R3HCC1L: variants seen among roughly 807,000 people sequenced by gnomAD.
The protein encoded by R3HCC1L is R3H domain and coiled-coil containing 1 like.
A neutral mutation model predicts 59.9 loss-of-function variants in R3HCC1L; 51 were observed. The ratio of observed to expected loss-of-function variants is 0.85; its 90% CI spans 0.68 to 1.07. The LOEUF (loss-of-function observed/expected upper bound fraction) is 1.07. Among genes scored for constraint, R3HCC1L ranks in the 50% least tolerant of loss-of-function variants. The pLI is 0.00. For synonymous variants in R3HCC1L, 322 were observed against 315.2 expected, an observed-to-expected ratio of 1.02 and a Z score of -0.23; for missense variants, 965 against 933.0, an observed-to-expected ratio of 1.03 and a Z score of -0.45.
chr10:98,209,124 A>G lies in R3HCC1L; in HGVS notation c.1010A>G (p.Asp337Gly), dbSNP rs1216331527. The change falls in exon 5 of 10, where the codon GAC becomes GGC. Residue 337 changes from aspartate (D) to glycine (G), a missense_variant. Coordinates refer to ENST00000298999, the MANE Select transcript of R3HCC1L (RefSeq NM_001351015.2). ...ATGATTAGAGAATGTGAGAAGAATG[A>G]CAGCACTGCTGATGAGTTACATGTA... Reference protein sequence around the residue: ...PVMIRECEKNDSTADELHVKH... With the variant: ...PVMIRECEKNGSTADELHVKH... 6 of 1,614,088 alleles carry G rather than the reference A, an allele frequency of 3.7e-6. No homozygotes were observed. The highest frequency in any genetic ancestry group is 1.1e-5 in the South Asian group (1 of 91,072).
chr10:98,153,892 T>C (rs886570301), intron 1 of R3HCC1L, among the ~76,000 whole-genome samples: 6 of 151,828 alleles, frequency 4.0e-5, no homozygotes, highest in Admixed American at 2.0e-4. Context: ...TGTGTTCAGA[T>C]TCTATTATTT....
intron 4 of R3HCC1L, among the ~76,000 whole-genome samples, chr10:98,165,847 G>A (rs958604405): frequency 3.9e-5 from 6 of 152,188 alleles, no homozygotes; most frequent in Non-Finnish European, 8.8e-5. Context: ...TGAAGGTGGA[G>A]CCCTCATGAA....
Position 98,235,480 on chromosome 10 carries a change from G to A in R3HCC1L, c.2088G>A (p.Gln696=), listed in dbSNP as rs1856827989. 6.2e-7 allele frequency: 1 copy of A among 1,613,614 alleles called. No homozygotes were observed. Among genetic ancestry groups the A allele is most frequent in the South Asian group, 1.1e-5 (1 of 91,028 alleles). ...TGGTGAAGATTCGTCCCTTGTCACA[G>A]GCCACAAGAGCAGCCAAGGCCAAAG... is the stretch of plus-strand genomic sequence containing the variant. ...HTMVKIRPLS[Q]ATRAAKAKAR... Residue 696 remains glutamine (Q), a synonymous_variant, in exon 8 of 10, where the codon CAG becomes CAA. Transcript: ENST00000298999.
intron 5 of R3HCC1L, chr10:98,230,971 C>G: frequency 2.6e-6 from 1 of 388,284 alleles, no homozygotes; most frequent in South Asian, 2.0e-5. Context: ...ACTACTTGTA[C>G]CACTTAATTT....
At chr10:98,204,486 A>G (rs1852410566) in intron 4 of R3HCC1L, among the ~76,000 whole-genome samples, 1 of 152,182 alleles carries the variant, frequency 6.6e-6, no homozygotes, top group South Asian at 2.1e-4. Context: ...TCCAAGGTAC[A>G]TTTTAAAAAA....
chr10:98,231,214 A>C (rs1159408352), intron 5 of R3HCC1L, among the ~76,000 whole-genome samples: 2 of 152,182 alleles, frequency 1.3e-5, no homozygotes, highest in African/African-American at 2.4e-5. Flanking sequence ...TATAACTCAC[A>C]ACAGTATTCA....
intron 2 of R3HCC1L, among the ~76,000 whole-genome samples, chr10:98,157,102 G>A (rs1282559272): frequency 3.3e-5 from 5 of 152,024 alleles, no homozygotes; most frequent in Admixed American, 3.3e-4. Context: ...CTCATCCTTT[G>A]TTGCTTTTGA....
intron 2 of R3HCC1L, among the ~76,000 whole-genome samples, chr10:98,156,655 CAT>C (rs1554833423): frequency 1.3e-5 from 2 of 152,186 alleles, no homozygotes; most frequent in Non-Finnish European, 2.9e-5. Flanking sequence ...AGCAGATTAA[CAT>C]AATCTATAGA....
At chr10:98,152,512 G>C (rs1242918411) in intron 1 of R3HCC1L, among the ~76,000 whole-genome samples, 187 of 115,382 alleles carry the variant, frequency 1.6e-3, no homozygotes, top group Admixed American at 3.5e-3. Context: ...AGTGAGGAGC[G>C]TCTCTGCCCG....
intron 5 of R3HCC1L, among the ~76,000 whole-genome samples, chr10:98,212,455 T>G (rs1302805933): frequency 6.6e-6 from 1 of 152,184 alleles, no homozygotes; most frequent in Non-Finnish European, 1.5e-5. Context: ...AGCAATTTCC[T>G]GTGACATTTG....
At chr10:98,179,645 C>A (rs978371596) in intron 4 of R3HCC1L, among the ~76,000 whole-genome samples, 3 of 152,114 alleles carry the variant, frequency 2.0e-5, no homozygotes, top group African/African-American at 7.2e-5. Flanking sequence ...ATGGTACCAG[C>A]TCCCCTTTGT....
At position 98,194,073 on chromosome 10, in the gene R3HCC1L, A is replaced by T. The variant is rs1381609330; in HGVS notation, c.-14-14028A>T. Among the ~76,000 whole-genome samples, 3 of 152,282 alleles carry T rather than the reference A, an allele frequency of 2.0e-5. No individual in the cohort carries two copies. In the East Asian group the frequency reaches 5.8e-4, roughly 29 times the overall value. On this transcript the variant is annotated intron_variant, in intron 4 of 9. Transcript: ENST00000298999. ...AAAGCTGGAGGCCTCACACTTCCTGATTCCATAGTATATTACAAAGCTATA... is the reference window on the plus strand; with the variant it reads ...AAAGCTGGAGGCCTCACACTTCCTGTTTCCATAGTATATTACAAAGCTATA...
intron 5 of R3HCC1L, among the ~76,000 whole-genome samples, chr10:98,225,672 T>G (rs1855591976): frequency 5.3e-5 from 8 of 152,200 alleles, no homozygotes; most frequent in Admixed American, 3.9e-4. Context: ...ACAAGAATTA[T>G]GTTTTTTGCT....
At chr10:98,169,904 G>A (rs1445839893) in intron 4 of R3HCC1L, among the ~76,000 whole-genome samples, 1 of 71,860 alleles carries the variant, frequency 1.4e-5, no homozygotes, top group Non-Finnish European at 2.9e-5. Flanking sequence ...TTTTTTTTTT[G>A]GAGTGAGTGC....
intron 4 of R3HCC1L, among the ~76,000 whole-genome samples, chr10:98,190,813 C>T (rs1437116211): frequency 6.6e-6 from 1 of 150,458 alleles, no homozygotes; most frequent in Non-Finnish European, 1.5e-5. Flanking sequence ...AGTCCCCCAC[C>T]CCCCGACAGG....
At chr10:98,164,131 C>T (rs982336305) in intron 4 of R3HCC1L, among the ~76,000 whole-genome samples, 2 of 151,958 alleles carry the variant, frequency 1.3e-5, no homozygotes, top group Non-Finnish European at 2.9e-5. Flanking sequence ...TCACAGCAAC[C>T]GTCAGAAGAT....
chr10:98,144,401 A>T (rs969343925), intron 1 of R3HCC1L, among the ~76,000 whole-genome samples: 4 of 152,004 alleles, frequency 2.6e-5, no homozygotes, highest in African/African-American at 9.7e-5. Flanking sequence ...TTTGTAGTAG[A>T]GATGGGGTTT....
At chr10:98,166,179 A>C (rs1480782650) in intron 4 of R3HCC1L, among the ~76,000 whole-genome samples, 1 of 152,044 alleles carries the variant, frequency 6.6e-6, no homozygotes, top group East Asian at 1.9e-4. Context: ...TCAAAAATCA[A>C]ACAAACAAAC....
intron 5 of R3HCC1L, among the ~76,000 whole-genome samples, chr10:98,217,914 T>C (rs911445047): frequency 6.6e-6 from 1 of 152,168 alleles, no homozygotes. Flanking sequence ...TGAGAGTTTT[T>C]TGGTGGAGTC....
Sources: gnomAD v4.1 joint callset for allele counts (sites outside exome capture counted in the v4.1 genomes callset) on GRCh38, gnomAD v4.1.1 for gene constraint, MANE v1.5 for transcripts, NCBI Gene and HGNC (gene_info 2026-07-23, HGNC 2026-07-21) for gene names.